Variants in DCAF1 observed in about 807,000 individuals in gnomAD.
The protein encoded by DCAF1 is DDB1- and CUL4-associated factor 1.
DCAF1 carries 15 observed loss-of-function variants against 128.0 expected under a neutral mutation model. That is an observed-to-expected ratio of 0.12 (90% confidence interval 0.08 to 0.18). DCAF1 has a LOEUF of 0.18. DCAF1 is among the 10% of genes least tolerant of loss of function. DCAF1 has a pLI of 1.00. For missense variants in DCAF1, 988 were observed against 1,649.5 expected, an observed-to-expected ratio of 0.60 and a Z score of 6.95; for synonymous variants, 610 against 603.0, an observed-to-expected ratio of 1.01 and a Z score of -0.17.
intron 23 of DCAF1, among the ~76,000 whole-genome samples, chr3:51,405,077 A>T (rs2090009283): frequency 6.6e-6 from 1 of 152,214 alleles, no homozygotes; most frequent in Non-Finnish European, 1.5e-5. Flanking sequence ...TAGCTAATCC[A>T]CTAACAAAGT....
chr3:51,492,609 C>T (rs1553658633), intron 2 of DCAF1, among the ~76,000 whole-genome samples: 1 of 152,166 alleles, frequency 6.6e-6, no homozygotes, highest in East Asian at 1.9e-4. Flanking sequence ...TATCATTTCT[C>T]ACCTACTAAC....
At chr3:51,491,293 A>C (rs1450343196) in intron 2 of DCAF1, among the ~76,000 whole-genome samples, 3 of 151,356 alleles carry the variant, frequency 2.0e-5, no homozygotes, top group African/African-American at 7.3e-5. Flanking sequence ...GGCTGCAGTG[A>C]GCCAAGATTG....
intron 3 of DCAF1, among the ~76,000 whole-genome samples, chr3:51,474,918 G>C (rs1705247614): frequency 6.6e-6 from 1 of 151,382 alleles, no homozygotes; most frequent in Non-Finnish European, 1.5e-5. Flanking sequence ...CTGAGTAGCT[G>C]GGGTTACAGG....
At chr3:51,505,222 C>A in the DCAF1 span, among the ~76,000 whole-genome samples, 1 of 151,984 alleles carries the variant, frequency 6.6e-6, no homozygotes, top group Non-Finnish European at 1.5e-5. Context: ...CGAGATCACA[C>A]CACTGCACTC....
At chr3:51,406,782 A>T (rs1254017871) in intron 23 of DCAF1, among the ~76,000 whole-genome samples, 1 of 152,152 alleles carries the variant, frequency 6.6e-6, no homozygotes, top group Non-Finnish European at 1.5e-5. Flanking sequence ...TACCACAGAC[A>T]CTTTTCTCAT....
At position 51,397,998 on chromosome 3, in the gene DCAF1, G is replaced by A. The variant is rs2089330065; in HGVS notation, c.*771C>T. On this transcript the variant is annotated 3_prime_UTR_variant, in exon 25 of 25. Transcript: ENST00000684031. ...AATCACAAAGAAAAATAGAGGGAGT[G>A]AACTTATATCCTAAGTTCCCTCAAC... 1 of 164,388 alleles carries A rather than the reference G, an allele frequency of 6.1e-6. No homozygotes were observed. The highest frequency in any genetic ancestry group is 1.5e-5 in the Non-Finnish European group (1 of 68,084). 10.2% of individuals were successfully genotyped at this position (164,388 alleles called of 1,614,324 possible).
intron 3 of DCAF1, among the ~76,000 whole-genome samples, chr3:51,478,775 C>G (rs1705798444): frequency 6.6e-6 from 1 of 152,096 alleles, no homozygotes; most frequent in South Asian, 2.1e-4. Context: ...AGGCATAAAC[C>G]ACTACATCTG....
chr3:51,480,607 A>AC (rs1706068645), intron 3 of DCAF1, among the ~76,000 whole-genome samples: 1 of 151,282 alleles, frequency 6.6e-6, no homozygotes, highest in Non-Finnish European at 1.5e-5. Context: ...TCAAAAAAAA[A>AC]AAAAAAAAAA....
chr3:51,398,558 C>T lies in DCAF1; in HGVS notation c.*211G>A. The T allele has an allele frequency of 1.6e-6, 1 of 606,688 alleles. No homozygotes were observed. Among genetic ancestry groups the T allele is most frequent in the South Asian group, 2.0e-5 (1 of 49,254 alleles). The allele number at this position is 606,688 out of a possible 1,614,324, so 37.6% of individuals were successfully genotyped here. Reference sequence around the variant, plus strand: ...GGATGTGGGGGGTGCAGAGTAGGGCCTAGTCCCTGTTGTCATTTTTGTGGT... The same window carrying T: ...GGATGTGGGGGGTGCAGAGTAGGGCTTAGTCCCTGTTGTCATTTTTGTGGT... On this transcript the variant is annotated 3_prime_UTR_variant, in exon 25 of 25. Coordinates refer to ENST00000684031, the MANE Select transcript of DCAF1 (RefSeq NM_001387579.1).
chr3:51,427,267 A>G (rs899451641), intron 13 of DCAF1, 105 bp downstream of exon 13: 6 of 579,324 alleles, frequency 1.0e-5, no homozygotes, highest in Non-Finnish European at 1.6e-5. Flanking sequence ...CAAAATTTCA[A>G]TTCAATTCAA....
At chr3:51,413,173 A>T (rs145725485) in intron 21 of DCAF1, 107 bp from the exon 22 acceptor site, 28,861 of 1,551,594 alleles carry the variant, frequency 0.019, 360 homozygotes, top group Non-Finnish European at 0.023. Flanking sequence ...TATTTCCATA[A>T]CTTCTCTGTT....
chr3:51,466,746 T>TA, intron 5 of DCAF1, 57 bp downstream of exon 5: 1 of 1,564,730 alleles, frequency 6.4e-7, no homozygotes, highest in South Asian at 1.1e-5. Context: ...GAAAAAACAA[T>TA]AAAGATACAG....
chr3:51,443,624 C>A, intron 7 of DCAF1, 142 bp downstream of exon 7: 10 of 698,126 alleles, frequency 1.4e-5, no homozygotes, highest in Non-Finnish European at 2.0e-5. Context: ...TTTTTAAAAA[C>A]TCTTATGGAA....
chr3:51,416,893 A>G, intron 17 of DCAF1, 22 bp from the exon 18 acceptor site: 1 of 1,593,384 alleles, frequency 6.3e-7, no homozygotes, highest in East Asian at 2.3e-5. Flanking sequence ...CAACAGGAGC[A>G]CTGAAGTGAC....
At chr3:51,446,055 G>A (rs974239821) in intron 6 of DCAF1, among the ~76,000 whole-genome samples, 5 of 146,858 alleles carry the variant, frequency 3.4e-5, no homozygotes, top group Non-Finnish European at 5.9e-5. Flanking sequence ...GTGCAGTGGC[G>A]CAATCTCGAC....
chr3:51,459,153 T>TA (rs1185060871), intron 6 of DCAF1, among the ~76,000 whole-genome samples: 3 of 152,196 alleles, frequency 2.0e-5, no homozygotes, highest in African/African-American at 7.2e-5. Context: ...ACAAAATTGA[T>TA]AGACCGCTAG....
In DCAF1 at chr3:51,485,873, A is replaced by G. The variant is rs1706876201; in HGVS notation, c.-8-2037T>C. ...CTACCCCAAAAATTGAACAAAATCA[A>G]AAAGATTATTTATTTTTTTTTTTTT... On this transcript the variant is annotated intron_variant, in intron 2 of 24. Coordinates refer to ENST00000684031, the MANE Select transcript of DCAF1 (RefSeq NM_001387579.1). Among the ~76,000 whole-genome samples the G allele has an allele frequency of 2.1e-5, 3 of 141,190 alleles. 1 individual carries two copies. In the South Asian group the frequency reaches 6.8e-4, roughly 32 times the overall value. The allele number at this position is 141,190 out of a possible 152,430, so 92.6% of individuals were successfully genotyped here.
intron 10 of DCAF1, among the ~76,000 whole-genome samples, chr3:51,430,428 A>T (rs1700264722): frequency 6.6e-6 from 1 of 152,224 alleles, no homozygotes; most frequent in Non-Finnish European, 1.5e-5. Context: ...TAAATATTTA[A>T]ATACAACCTA....
intron 24 of DCAF1, 141 bp downstream of exon 24, chr3:51,403,002 T>A: frequency 7.3e-7 from 1 of 1,373,786 alleles, no homozygotes; most frequent in Non-Finnish European, 9.6e-7. Flanking sequence ...CAAAGGTGCT[T>A]TGCCTCAAGA....
Sources: allele counts gnomAD v4.1 joint callset (sites outside exome capture counted in the v4.1 genomes callset), GRCh38; gene constraint gnomAD v4.1.1; transcripts MANE v1.5; gene names NCBI Gene and HGNC (gene_info 2026-07-23, HGNC 2026-07-21).